SCFD2: variants seen among roughly 807,000 people sequenced by gnomAD.
The protein encoded by SCFD2 is sec1 family domain containing 2.
In SCFD2, 54 loss-of-function variants were observed where a neutral mutation model predicts 58.9. That is an observed-to-expected ratio of 0.92 (90% CI 0.74 to 1.15). The LOEUF (loss-of-function observed/expected upper bound fraction) is 1.15. Ranked by LOEUF, SCFD2 falls within the 50% of genes most tolerant of loss-of-function variation. The pLI, the probability that SCFD2 is intolerant of heterozygous loss-of-function variation, is 0.00. For missense variants in SCFD2, 805 were observed against 836.6 expected (o/e 0.96, Z 0.47); for synonymous variants, 321 against 335.9 (o/e 0.96, Z 0.49).
chr4:52,897,924 T>A (rs1467734218), intron 7 of SCFD2, among the ~76,000 whole-genome samples: 1 of 152,224 alleles, frequency 6.6e-6, no homozygotes, highest in Non-Finnish European at 1.5e-5. Context: ...TTCTTCTAGA[T>A]TTTGTAGTTT....
chr4:53,228,296 T>C (rs1445313357), intron 4 of SCFD2, among the ~76,000 whole-genome samples: 1 of 152,112 alleles, frequency 6.6e-6, no homozygotes, highest in African/African-American at 2.4e-5. Flanking sequence ...AGTGGTGTGG[T>C]GAAACAAAAG....
intron 7 of SCFD2, among the ~76,000 whole-genome samples, chr4:52,898,884 A>C (rs1719099819): frequency 6.6e-6 from 1 of 152,228 alleles, no homozygotes; most frequent in Non-Finnish European, 1.5e-5. Context: ...TTCTTGTTGC[A>C]TTGATCCCTT....
At chr4:52,959,348 G>C (rs1720791057) in intron 5 of SCFD2, among the ~76,000 whole-genome samples, 1 of 152,066 alleles carries the variant, frequency 6.6e-6, no homozygotes, top group Admixed American at 6.6e-5. Context: ...GAATCACCTG[G>C]GGTGCTTACT....
At chr4:52,937,196 A>C (rs923875384) in intron 5 of SCFD2, among the ~76,000 whole-genome samples, 1 of 152,244 alleles carries the variant, frequency 6.6e-6, no homozygotes, top group African/African-American at 2.4e-5. Flanking sequence ...TCTGGACAGA[A>C]GGGCAGCAAG....
chr4:52,926,325 C>T (rs1431488290), intron 5 of SCFD2, among the ~76,000 whole-genome samples: 1 of 152,032 alleles, frequency 6.6e-6, no homozygotes, highest in Non-Finnish European at 1.5e-5. Context: ...CAGAAGGGTG[C>T]TTCAGTCTGG....
At chr4:53,221,205 A>C (rs1729038278) in intron 4 of SCFD2, among the ~76,000 whole-genome samples, 1 of 152,228 alleles carries the variant, frequency 6.6e-6, no homozygotes, top group Non-Finnish European at 1.5e-5. Flanking sequence ...AGGAAGGCCA[A>C]ACAACTCTTC....
At chr4:52,899,475 G>T (rs1719121521) in intron 7 of SCFD2, among the ~76,000 whole-genome samples, 1 of 152,116 alleles carries the variant, frequency 6.6e-6, no homozygotes, top group Non-Finnish European at 1.5e-5. Context: ...TTGAATACTG[G>T]CCCCCACTCT....
chr4:53,131,148 T>C (rs1309493720), intron 5 of SCFD2, among the ~76,000 whole-genome samples: 1 of 152,270 alleles, frequency 6.6e-6, no homozygotes, highest in Non-Finnish European at 1.5e-5. Context: ...GAAATTTATA[T>C]GTGGGCTCTA....
chr4:53,030,796 C>T (rs544651141), intron 5 of SCFD2, among the ~76,000 whole-genome samples: 19 of 152,196 alleles, frequency 1.2e-4, no homozygotes, highest in Admixed American at 4.6e-4. Context: ...AACATTCACC[C>T]AAGTGAAATT....
At chr4:53,068,757 A>G (rs562555202) in intron 5 of SCFD2, among the ~76,000 whole-genome samples, 1 of 152,170 alleles carries the variant, frequency 6.6e-6, no homozygotes, top group African/African-American at 2.4e-5. Context: ...TGGACATTCA[A>G]TATTTATTTG....
chr4:53,012,045 A>T (rs1430852199), intron 5 of SCFD2, among the ~76,000 whole-genome samples: 6 of 148,422 alleles, frequency 4.0e-5, no homozygotes, highest in African/African-American at 1.3e-4. Context: ...TCTATGGGTT[A>T]ATTTGAGAGG....
intron 5 of SCFD2, among the ~76,000 whole-genome samples, chr4:52,987,821 T>C (rs942732436): frequency 2.0e-5 from 3 of 152,170 alleles, no homozygotes; most frequent in Non-Finnish European, 4.4e-5. Context: ...AAACAACACA[T>C]AAAACGCCGC....
chr4:53,042,723 C>G (rs1355640784), intron 5 of SCFD2, among the ~76,000 whole-genome samples: 1 of 151,958 alleles, frequency 6.6e-6, no homozygotes, highest in Non-Finnish European at 1.5e-5. Flanking sequence ...CGAATTCAGC[C>G]ATTTTATCCT....
chr4:53,080,472 T>C (rs1724108216), intron 5 of SCFD2, among the ~76,000 whole-genome samples: 1 of 152,174 alleles, frequency 6.6e-6, no homozygotes, highest in Non-Finnish European at 1.5e-5. Context: ...TGCTAAAAGT[T>C]TGAAGTGAAA....
intron 6 of SCFD2, among the ~76,000 whole-genome samples, chr4:52,917,358 G>A (rs1026720251): frequency 3.9e-5 from 6 of 152,196 alleles, no homozygotes; most frequent in Non-Finnish European, 5.9e-5. Flanking sequence ...AGAGGGGACA[G>A]TTGGGCTATG....
intron 2 of SCFD2, among the ~76,000 whole-genome samples, chr4:53,333,548 T>G (rs940655348): frequency 6.6e-5 from 10 of 151,772 alleles, no homozygotes; most frequent in African/African-American, 2.4e-4. Flanking sequence ...GCTAGCCATA[T>G]GTAGAAAGCT....
At chr4:52,999,153 C>T (rs1202785815) in intron 5 of SCFD2, among the ~76,000 whole-genome samples, 1 of 152,152 alleles carries the variant, frequency 6.6e-6, no homozygotes, top group African/African-American at 2.4e-5. Context: ...AATCCCTGGG[C>T]ACCTGCTTTA....
chr4:53,287,202 C>T (rs1042196381), intron 3 of SCFD2, among the ~76,000 whole-genome samples: 4 of 152,164 alleles, frequency 2.6e-5, no homozygotes, highest in African/African-American at 9.7e-5. Flanking sequence ...GTGCCCACAT[C>T]ACAGGTGTCA....
chr4:53,140,218 A>T lies in SCFD2; in HGVS notation c.1561+5115T>A, dbSNP rs549979543. Among the ~76,000 whole-genome samples the T allele has an allele frequency of 3.7e-4, 54 of 147,094 alleles. No individual in the cohort carries two copies. In the East Asian group the frequency reaches 4.5e-3, roughly 12 times the overall value. On this transcript the variant is annotated intron_variant, in intron 5 of 8. Coordinates refer to ENST00000401642, the MANE Select transcript of SCFD2 (RefSeq NM_152540.4). ...AATGATCAATAAATACTAAAAAAAT[A>T]AAAAAAAAGAACAAAAAGAAAAAGG...
Sources: gnomAD v4.1 joint callset for allele counts (sites outside exome capture counted in the v4.1 genomes callset) on GRCh38, gnomAD v4.1.1 for gene constraint, MANE v1.5 for transcripts, NCBI Gene and HGNC (gene_info 2026-07-23, HGNC 2026-07-21) for gene names.